COL28A1: variants seen among roughly 807,000 people sequenced by gnomAD.
COL28A1 encodes collagen alpha-1(XXVIII) chain.
In COL28A1, 161 loss-of-function variants were observed where a neutral mutation model predicts 150.2. The ratio of observed to expected loss-of-function variants is 1.07; its 90% CI spans 0.94 to 1.22. COL28A1 has a LOEUF of 1.22. Ranked by LOEUF, COL28A1 falls within the 50% of genes most tolerant of loss-of-function variation. COL28A1 has a pLI of 0.00. For missense variants in COL28A1, 1,617 were observed against 1,388.3 expected, an observed-to-expected ratio of 1.16 and a Z score of -2.62; for synonymous variants, 552 against 469.7, an observed-to-expected ratio of 1.18 and a Z score of -2.26.
At chr7:7,422,396 C>A (rs990129684) in intron 25 of COL28A1, among the ~76,000 whole-genome samples, 1 of 151,968 alleles carries the variant, frequency 6.6e-6, no homozygotes, top group East Asian at 1.9e-4. Flanking sequence ...TCTGGCAGGC[C>A]GAGGTGGGTG....
intron 30 of COL28A1, among the ~76,000 whole-genome samples, chr7:7,377,807 C>CAA (rs35530896): frequency 0.47 from 59,643 of 125,866 alleles, 14,360 homozygotes; most frequent in South Asian, 0.56. Flanking sequence ...ATAATTCACG[C>CAA]AAAAAAAAAA....
At chr7:7,383,666 TTG>T (rs746358688) in intron 27 of COL28A1, among the ~76,000 whole-genome samples, 4 of 107,374 alleles carry the variant, frequency 3.7e-5, no homozygotes, top group African/African-American at 2.8e-5. Flanking sequence ...TATTTGAAAT[TTG>T]TGTGTGTGTG....
intron 33 of COL28A1, among the ~76,000 whole-genome samples, chr7:7,360,917 T>C (rs1780620764): frequency 6.6e-6 from 1 of 152,256 alleles, no homozygotes; most frequent in Admixed American, 6.5e-5. Flanking sequence ...CACTCATTTC[T>C]TTAACATTTT....
intron 25 of COL28A1, 42 bp downstream of exon 25, chr7:7,432,431 G>A (rs529883153): frequency 2.0e-6 from 3 of 1,535,886 alleles, no homozygotes; most frequent in South Asian, 2.2e-5. Flanking sequence ...ACCTATAGGT[G>A]CACTCTTAGA....
chr7:7,338,468 T>G, the COL28A1 span, among the ~76,000 whole-genome samples: 1 of 152,116 alleles, frequency 6.6e-6, no homozygotes, highest in East Asian at 1.9e-4. Context: ...TAAATAGGAT[T>G]GTGTTCTTGA....
chr7:7,514,455 G>A (rs1468976152), intron 8 of COL28A1, among the ~76,000 whole-genome samples: 2 of 152,152 alleles, frequency 1.3e-5, no homozygotes, highest in African/African-American at 4.8e-5. Flanking sequence ...AGGCTGCTAA[G>A]TGTAGAATCA....
chr7:7,412,782 C>G lies in COL28A1; in HGVS notation c.2136+5077G>C, dbSNP rs1583315506. Among the ~76,000 whole-genome samples the G allele has an allele frequency of 2.0e-5, 3 of 152,142 alleles. No homozygotes were observed. In the Middle Eastern group the frequency reaches 0.01, roughly 517 times the overall value. ...CTCTGGTGGAATATCAACTCTGTGT[C>G]CTAGACATTTTATACAATTTTTTCT... is the stretch of plus-strand genomic sequence containing the variant. On this transcript the variant is annotated intron_variant, in intron 27 of 34. Transcript: ENST00000399429.
At chr7:7,512,132 C>T (rs1781175636) in intron 8 of COL28A1, among the ~76,000 whole-genome samples, 1 of 152,140 alleles carries the variant, frequency 6.6e-6, no homozygotes, top group South Asian at 2.1e-4. Context: ...ACAAATATGG[C>T]ATGATCTCAC....
chr7:7,459,664 C>T (rs1787450599), intron 15 of COL28A1, among the ~76,000 whole-genome samples: 1 of 152,228 alleles, frequency 6.6e-6, no homozygotes, highest in Non-Finnish European at 1.5e-5. Context: ...TCACCAGCTC[C>T]ATTCCCATTT....
chr7:7,489,368 T>C (rs1186148245), intron 13 of COL28A1, 21 bp downstream of exon 13: 1 of 1,011,336 alleles, frequency 9.9e-7, no homozygotes, highest in Middle Eastern at 2.0e-4. Context: ...TTTCATTCCA[T>C]CTAGAATTTT....
the COL28A1 span, among the ~76,000 whole-genome samples, chr7:7,345,686 TG>T: frequency 2.6e-5 from 4 of 152,100 alleles, no homozygotes; most frequent in Non-Finnish European, 4.4e-5. Context: ...CAGTCTCCAT[TG>T]TTTTTTTACA....
downstream of COL28A1, among the ~76,000 whole-genome samples, chr7:7,353,715 C>T (rs935379244): frequency 1.3e-5 from 2 of 152,166 alleles, no homozygotes; most frequent in Admixed American, 1.3e-4. Context: ...AAGGGACAAA[C>T]ACCCAAGTCA....
chr7:7,520,937 C>T (rs1781690219), intron 5 of COL28A1, among the ~76,000 whole-genome samples: 1 of 152,160 alleles, frequency 6.6e-6, no homozygotes, highest in Non-Finnish European at 1.5e-5. Flanking sequence ...TATAACGCAT[C>T]TAACTTTGTA....
chr7:7,371,876 A>C (rs1285965684), intron 32 of COL28A1, among the ~76,000 whole-genome samples: 5 of 152,022 alleles, frequency 3.3e-5, no homozygotes, highest in Non-Finnish European at 4.4e-5. Context: ...TCTGTCGCCC[A>C]GGCTGGAGTG....
upstream of COL28A1, among the ~76,000 whole-genome samples, chr7:7,538,458 T>C (rs1047047162): frequency 6.6e-6 from 1 of 152,214 alleles, no homozygotes; most frequent in Non-Finnish European, 1.5e-5. Flanking sequence ...TTATTAGAAG[T>C]AATTTTTAGT....
intron 31 of COL28A1, 46 bp downstream of exon 31, chr7:7,375,415 G>A (rs373331781): frequency 6.5e-7 from 1 of 1,536,778 alleles, no homozygotes; most frequent in Non-Finnish European, 8.9e-7. Context: ...AGTACATAGT[G>A]GGGCTGATGC....
intron 27 of COL28A1, among the ~76,000 whole-genome samples, chr7:7,404,009 A>G (rs1783361919): frequency 6.6e-6 from 1 of 152,128 alleles, no homozygotes; most frequent in African/African-American, 2.4e-5. Flanking sequence ...TCTTGGTGCA[A>G]TCCTGGCCCT....
At chr7:7,486,777 C>G (rs61543470) in intron 13 of COL28A1, among the ~76,000 whole-genome samples, 15,328 of 152,140 alleles carry the variant, frequency 0.1, 924 homozygotes, top group Middle Eastern at 0.21. Context: ...GGCTTGCATC[C>G]ACAGGATAAA....
chr7:7,428,062 A>T (rs915335176), intron 25 of COL28A1, among the ~76,000 whole-genome samples: 22 of 152,204 alleles, frequency 1.4e-4, no homozygotes, highest in Non-Finnish European at 2.2e-4. Context: ...TCATTTCTTC[A>T]TCTATAAAAC....
Sources: gnomAD v4.1 joint callset for allele counts (sites outside exome capture counted in the v4.1 genomes callset) on GRCh38, gnomAD v4.1.1 for gene constraint, MANE v1.5 for transcripts, NCBI Gene and HGNC (gene_info 2026-07-23, HGNC 2026-07-21) for gene names.